Variants in ZMAT5 observed in about 807,000 individuals in gnomAD.
ZMAT5 encodes zinc finger matrin-type protein 5.
A neutral mutation model predicts 28.0 loss-of-function variants in ZMAT5; 23 were observed. The observed-to-expected ratio is 0.82, with a 90% confidence interval of 0.59 to 1.16. The LOEUF is 1.16. Among genes scored for constraint, ZMAT5 ranks in the 50% most tolerant of loss-of-function variants. ZMAT5 has a pLI of 0.00. For synonymous variants in ZMAT5, 76 were observed against 84.1 expected, an observed-to-expected ratio of 0.90 and a Z score of 0.52; for missense variants, 173 against 212.7, an observed-to-expected ratio of 0.81 and a Z score of 1.16.
intron 1 of ZMAT5, among the ~76,000 whole-genome samples, chr22:29,763,660 T>G (rs1234860137): frequency 6.6e-6 from 1 of 151,330 alleles, no homozygotes; most frequent in Non-Finnish European, 1.5e-5. Context: ...AGATGGCTCA[T>G]GTCTGTAATC....
rs372431819 is a variant in ZMAT5 at position 29,750,148 on chromosome 22, G to A, written c.-27-1577C>T. On this transcript the variant is annotated intron_variant, in intron 1 of 5. Transcript: ENST00000344318. The stretch of plus-strand genomic sequence containing the variant: ...CACCTAAAATAGTGCACAGTACAGA[G>A]TAGGCATTGAAGTACTTGTTAAATG... Among the ~76,000 whole-genome samples, 3 of 152,234 alleles carry A rather than the reference G, an allele frequency of 2.0e-5. No homozygotes were observed. In the East Asian group the frequency reaches 5.8e-4, roughly 29 times the overall value.
At chr22:29,738,542 C>G (rs1412257655) in intron 4 of ZMAT5, 101 bp from the exon 5 acceptor site, 1 of 1,061,788 alleles carries the variant, frequency 9.4e-7, no homozygotes, top group Non-Finnish European at 1.4e-6. Flanking sequence ...CCTGAGCAAG[C>G]CTGGGAAGTT....
intron 1 of ZMAT5, among the ~76,000 whole-genome samples, chr22:29,752,137 G>A (rs1454409849): frequency 6.6e-6 from 1 of 152,132 alleles, no homozygotes; most frequent in Non-Finnish European, 1.5e-5. Context: ...AGGGGCCCCA[G>A]CTCACACACA....
Position 29,751,871 on chromosome 22 carries a change from C to A in ZMAT5, c.-27-3300G>T, listed in dbSNP as rs910150792. ...ATTCCCAGCTACTCAGGAAGTGAGGCAGGAGGCTGGCTTGAGCCCAGGAGG... is the reference window on the plus strand; with the variant it reads ...ATTCCCAGCTACTCAGGAAGTGAGGAAGGAGGCTGGCTTGAGCCCAGGAGG... On this transcript the variant is annotated intron_variant, in intron 1 of 5. Coordinates refer to ENST00000344318, the MANE Select transcript of ZMAT5 (RefSeq NM_001003692.2). Among the ~76,000 whole-genome samples, 4 of 151,986 alleles carry A rather than the reference C, an allele frequency of 2.6e-5. No individual in the cohort carries two copies. The South Asian group carries it at 8.3e-4, about 32-fold the overall frequency.
intron 1 of ZMAT5, among the ~76,000 whole-genome samples, chr22:29,764,008 G>C (rs1040703823): frequency 6.6e-6 from 1 of 152,006 alleles, no homozygotes; most frequent in African/African-American, 2.4e-5. Context: ...TGTAATCCCA[G>C]CTATTTGGGA....
At chr22:29,744,981 T>C (rs2067996582) in intron 2 of ZMAT5, among the ~76,000 whole-genome samples, 1 of 152,248 alleles carries the variant, frequency 6.6e-6, no homozygotes, top group African/African-American at 2.4e-5. Context: ...CAGCTGCCCC[T>C]GGTGCCTCAT....
At chr22:29,737,243 C>T (rs1256202914) in intron 5 of ZMAT5, among the ~76,000 whole-genome samples, 1 of 151,384 alleles carries the variant, frequency 6.6e-6, no homozygotes, top group Non-Finnish European at 1.5e-5. Flanking sequence ...GCAGAAGAAT[C>T]GCTTGAACCC....
chr22:29,740,816 C>G, intron 3 of ZMAT5, 86 bp from the exon 4 acceptor site: 1 of 1,270,548 alleles, frequency 7.9e-7, no homozygotes. Flanking sequence ...ATCCCAGAAT[C>G]TTAGGGGCAG....
intron 5 of ZMAT5, among the ~76,000 whole-genome samples, chr22:29,736,178 C>T (rs1001318): frequency 0.075 from 11,365 of 152,282 alleles, 534 homozygotes; most frequent in South Asian, 0.13. Flanking sequence ...AAGCCTTTTG[C>T]ACACGGGCTG....
chr22:29,731,237 G>A lies in ZMAT5; in HGVS notation c.501C>T (p.Val167=), dbSNP rs368070124. The change falls in exon 6 of 6, where the codon GTC becomes GTT. Residue 167 remains valine (V), a synonymous_variant. Transcript: ENST00000344318. ...GGGGGCAAGGGGCTCAGCCCCACTGGACTCTGGGCTGCAGAGGCCACCCCC... is the reference window on the plus strand; with the variant it reads ...GGGGGCAAGGGGCTCAGCCCCACTGAACTCTGGGCTGCAGAGGCCACCCCC... ...PPGGWPLQPR[V]QWG is the part of the protein sequence containing the mutation. 17 of 1,505,122 alleles carry A rather than the reference G, an allele frequency of 1.1e-5. No homozygotes were observed. The highest frequency in any genetic ancestry group is 1.5e-5 in the African/African-American group (1 of 67,750). The allele number at this position is 1,505,122 out of a possible 1,614,324, so 93.2% of individuals were successfully genotyped here. A position where few individuals can be genotyped will look rare whatever the true frequency, so the allele number is the denominator to read the frequency against.
At chr22:29,753,865 G>A (rs752725530) in intron 1 of ZMAT5, among the ~76,000 whole-genome samples, 3 of 152,006 alleles carry the variant, frequency 2.0e-5, no homozygotes, top group Non-Finnish European at 4.4e-5. Flanking sequence ...AGATGACCTC[G>A]CTCAGATGTA....
intron 1 of ZMAT5, among the ~76,000 whole-genome samples, 175 bp from the exon 2 acceptor site, chr22:29,748,746 C>G (rs2068032154): frequency 6.6e-6 from 1 of 152,258 alleles, no homozygotes; most frequent in Admixed American, 6.5e-5. Context: ...CCAGAGGGAT[C>G]TGTTAACCAT....
intron 2 of ZMAT5, 21 bp downstream of exon 2, chr22:29,748,397 C>T (rs376822838): frequency 1.9e-6 from 3 of 1,613,892 alleles, no homozygotes; most frequent in Non-Finnish European, 2.5e-6. Context: ...AGGAGCCTGG[C>T]CCCCAGCCAG....
rs1021777365 is a variant in ZMAT5 at position 29,731,442 on chromosome 22, G to A, written c.384-88C>T. The A allele has an allele frequency of 2.0e-6, 3 of 1,479,034 alleles. No individual in the cohort carries two copies. The African/African-American group carries it at 4.4e-5, about 22-fold the overall frequency. The allele number at this position is 1,479,034 out of a possible 1,614,324, so 91.6% of individuals were successfully genotyped here. A position where few individuals can be genotyped will look rare whatever the true frequency, so the allele number is the denominator to read the frequency against. ...CCAGCCCACCTGCCTCACCACCCTG[G>A]CTGTGGGGAGGGTCAGCTGCCTGCA... On this transcript the variant is annotated intron_variant, in intron 5 of 5. Coordinates refer to ENST00000344318, the MANE Select transcript of ZMAT5 (RefSeq NM_001003692.2).
intron 2 of ZMAT5, 114 bp downstream of exon 2, chr22:29,748,304 T>C (rs1268753112): frequency 1.3e-6 from 2 of 1,522,520 alleles, no homozygotes; most frequent in South Asian, 1.1e-5. Context: ...TCCCTCTCTT[T>C]TGATCCTCAA....
At chr22:29,733,597 G>A (rs781583161) in intron 5 of ZMAT5, among the ~76,000 whole-genome samples, 55 of 152,204 alleles carry the variant, frequency 3.6e-4, no homozygotes, top group Non-Finnish European at 5.4e-4. Context: ...TCCACCAGCC[G>A]CAGAGAAGGC....
intron 2 of ZMAT5, among the ~76,000 whole-genome samples, chr22:29,745,690 G>A (rs967065628): frequency 6.6e-6 from 1 of 152,254 alleles, no homozygotes. Context: ...GGGCCACAGT[G>A]TTAGTGAGTG....
intron 4 of ZMAT5, 104 bp downstream of exon 4, chr22:29,740,546 C>T (rs1766099608): frequency 1.6e-6 from 2 of 1,261,944 alleles, no homozygotes; most frequent in Non-Finnish European, 1.1e-6. Flanking sequence ...CCCTTGGTTG[C>T]CAATGATGGG....
At chr22:29,744,718 C>T (rs1397780017) in intron 2 of ZMAT5, among the ~76,000 whole-genome samples, 1 of 152,182 alleles carries the variant, frequency 6.6e-6, no homozygotes, top group Non-Finnish European at 1.5e-5. Flanking sequence ...TGACCCCAGC[C>T]ACACATCAGA....
Sources: allele counts gnomAD v4.1 joint callset (sites outside exome capture counted in the v4.1 genomes callset), GRCh38; gene constraint gnomAD v4.1.1; transcripts MANE v1.5; gene names NCBI Gene and HGNC (gene_info 2026-07-23, HGNC 2026-07-21).